The following DMD variants were observed in gnomAD, a reference collection of about 807,000 sequenced individuals.
DMD encodes dystrophin.
DMD carries 63 observed loss-of-function variants against 330.1 expected under a neutral mutation model. That is an observed-to-expected ratio of 0.19 (90% CI 0.16 to 0.24). The LOEUF (loss-of-function observed/expected upper bound fraction) is 0.24, where lower values mean the gene tolerates loss of function less well. DMD is among the 10% of genes least tolerant of loss of function. The pLI is 1.00. For synonymous variants in DMD, 1,223 were observed against 959.8 expected (o/e 1.27, Z -5.07); for missense variants, 3,344 against 2,684.1 (o/e 1.25, Z -5.43).
intron 1 of DMD, among the ~76,000 whole-genome samples, chrX:33,244,948 A>G (rs2052643069): frequency 8.9e-6 from 1 of 111,870 alleles, no homozygotes; most frequent in South Asian, 3.7e-4. Flanking sequence ...GAGTTAAATA[A>G]CTTTTCTAAG....
chrX:32,800,651 G>A (rs2076490869), intron 7 of DMD, among the ~76,000 whole-genome samples: 1 of 110,781 alleles, frequency 9.0e-6, no homozygotes, highest in Non-Finnish European at 1.9e-5. Context: ...GTGGTTTGCT[G>A]TACCAATCCG....
chrX:33,223,250 G>C (rs1023813076), intron 1 of DMD, among the ~76,000 whole-genome samples: 2 of 112,100 alleles, frequency 1.8e-5, no homozygotes, highest in African/African-American at 6.5e-5. Flanking sequence ...GGCGGAGATT[G>C]CAGTGAGCCG....
At chrX:32,798,578 C>A (rs1038100609) in intron 7 of DMD, among the ~76,000 whole-genome samples, 34 of 111,941 alleles carry the variant, frequency 3.0e-4, no homozygotes, top group African/African-American at 1.0e-3. Flanking sequence ...ATCAAAAAGG[C>A]AATGGCCATT....
chrX:32,482,712 C>T (rs941026120), intron 21 of DMD, among the ~76,000 whole-genome samples: 6 of 111,546 alleles, frequency 5.4e-5, no homozygotes. Context: ...AACAAATACT[C>T]AATGTGTTTC....
chrX:31,798,833 G>A, intron 50 of DMD, among the ~76,000 whole-genome samples: 1 of 112,240 alleles, frequency 8.9e-6, no homozygotes, highest in African/African-American at 3.2e-5. Flanking sequence ...AGTTGGGCTA[G>A]GGTCTATGAA....
rs398123956 is a variant in DMD, at chrX:32,389,598, C to T, written c.4421G>A (p.Ser1474Asn). ...PANFEQRLQE[S>N]KMILDEVKMH... The stretch of plus-strand genomic sequence containing the variant: ...CTTCACTTCATCTAAAATCATCTTA[C>T]TTTCTTGTAGACGCTGCTCAAAATT... The change falls in exon 32 of 79, where the codon AGT becomes AAT. Residue 1474 changes from serine (S) to asparagine (N), a missense_variant. Ser to Asn is a conservative substitution (Grantham distance 46, BLOSUM62 1). Coordinates refer to ENST00000357033, the MANE Select transcript of DMD (RefSeq NM_004006.3). The T allele has an allele frequency of 2.5e-6, 3 of 1,210,849 alleles. No individual in the cohort carries two copies. Among genetic ancestry groups the T allele is most frequent in the Non-Finnish European group, 3.4e-6 (3 of 894,937 alleles).
intron 50 of DMD, among the ~76,000 whole-genome samples, chrX:31,794,221 A>G (rs779177999): frequency 3.7e-3 from 409 of 111,338 alleles, no homozygotes; most frequent in Non-Finnish European, 5.6e-3. Context: ...TGCTCTATTC[A>G]TATCCTTTCT....
chrX:32,039,818 C>A (rs2095984662), intron 44 of DMD, among the ~76,000 whole-genome samples: 1 of 111,372 alleles, frequency 9.0e-6, no homozygotes, highest in South Asian at 3.7e-4. Context: ...ACCTCCCAAG[C>A]CTCTGTTAAC....
chrX:31,177,809 G>A, intron 71 of DMD, 123 bp downstream of exon 71: 1 of 624,467 alleles, frequency 1.6e-6, no homozygotes, highest in South Asian at 2.7e-5. Context: ...GAAGGAAGGG[G>A]AATTAATATG....
chrX:31,832,580 G>A (rs754331242), intron 49 of DMD, among the ~76,000 whole-genome samples: 1 of 112,146 alleles, frequency 8.9e-6, no homozygotes, highest in South Asian at 3.6e-4. Context: ...TTGTGTTAAA[G>A]GTTGGGATGG....
Position 32,694,274 on chromosome X carries a change from C to T in DMD, c.960+3596G>A, listed in dbSNP as rs6628729. On this transcript the variant is annotated intron_variant, in intron 9 of 78. Transcript: ENST00000357033. ...CCTGGCCGATGGATTTAAATAACATCTATGTGTTGACTTCTAAATTATTAT... is the reference window on the plus strand; with the variant it reads ...CCTGGCCGATGGATTTAAATAACATTTATGTGTTGACTTCTAAATTATTAT... 2.7e-5 allele frequency among the ~76,000 whole-genome samples: 3 copies of T among 111,607 alleles called. No homozygotes were observed. The Admixed American group carries it at 2.9e-4, about 11-fold the overall frequency.
intron 7 of DMD, among the ~76,000 whole-genome samples, chrX:32,758,742 TG>T (rs1056984539): frequency 9.0e-6 from 1 of 110,907 alleles, no homozygotes; most frequent in Non-Finnish European, 1.9e-5. Context: ...GCACAGTGCC[TG>T]AAACACAGGA....
chrX:31,274,784 C>T (rs954929290), intron 62 of DMD, among the ~76,000 whole-genome samples: 8 of 112,082 alleles, frequency 7.1e-5, no homozygotes, highest in Non-Finnish European at 1.5e-4. Context: ...ATTTATGGAA[C>T]ACTTACATAT....
intron 4 of DMD, among the ~76,000 whole-genome samples, chrX:32,836,285 G>A (rs1300048485): frequency 9.1e-6 from 1 of 110,060 alleles, no homozygotes; most frequent in African/African-American, 3.3e-5. Context: ...GCCCGCCCCA[G>A]CCTCCCAAAG....
intron 61 of DMD, among the ~76,000 whole-genome samples, chrX:31,338,678 C>G (rs955753172): frequency 4.5e-5 from 5 of 110,715 alleles, no homozygotes; most frequent in Non-Finnish European, 9.4e-5. Context: ...TAGGGCTCTA[C>G]TTCTAGGGAT....
Position 32,732,572 on chromosome X carries a change from C to A in DMD, c.650-33279G>T, listed in dbSNP as rs767406924. On this transcript the variant is annotated intron_variant, in intron 7 of 78. Coordinates refer to ENST00000357033, the MANE Select transcript of DMD (RefSeq NM_004006.3). ...CACTAACAGCGGATCTCTCGGCAGA[C>A]ACCCTACAAGCCAGAAGAGAGTGGG... Among the ~76,000 whole-genome samples the A allele has an allele frequency of 3.9e-3, 435 of 111,478 alleles. 3 individuals are homozygous for A. The highest frequency in any genetic ancestry group is 0.011 in the African/African-American group (343 of 30,625).
chrX:32,588,159 C>G (rs1313982434), intron 13 of DMD, among the ~76,000 whole-genome samples: 1 of 112,123 alleles, frequency 8.9e-6, no homozygotes, highest in African/African-American at 3.2e-5. Context: ...TTGTATCTGA[C>G]AATGCAGGCA....
At chrX:32,203,732 G>A (rs1272967745) in intron 44 of DMD, among the ~76,000 whole-genome samples, 3 of 111,563 alleles carry the variant, frequency 2.7e-5, no homozygotes, top group Admixed American at 9.5e-5. Context: ...GTCTTAGAGT[G>A]ATATAGAATC....
intron 7 of DMD, among the ~76,000 whole-genome samples, chrX:32,747,374 A>AC (rs1472488081): frequency 1.8e-5 from 2 of 112,255 alleles, no homozygotes; most frequent in Non-Finnish European, 3.8e-5. Context: ...CATCAGCCTC[A>AC]CCTGGGAGAC....
Sources: allele counts gnomAD v4.1 joint callset (sites outside exome capture counted in the v4.1 genomes callset), GRCh38; gene constraint gnomAD v4.1.1; transcripts MANE v1.5; gene names NCBI Gene and HGNC (gene_info 2026-07-23, HGNC 2026-07-21).